CDH6: variants seen among roughly 807,000 people sequenced by gnomAD.
CDH6 encodes cadherin-6.
A neutral mutation model predicts 78.0 loss-of-function variants in CDH6; 31 were observed. The ratio of observed to expected loss-of-function variants is 0.40; its 90% confidence interval spans 0.30 to 0.54. The LOEUF is 0.54. Ranked by LOEUF, CDH6 falls within the 20% of genes least tolerant of loss-of-function variation. CDH6 has a pLI of 0.56. For synonymous variants in CDH6, 376 were observed against 368.8 expected (o/e 1.02, Z -0.23); for missense variants, 724 against 975.9 (o/e 0.74, Z 3.44).
intron 2 of CDH6, among the ~76,000 whole-genome samples, chr5:31,292,467 A>ATT (rs1352103604): frequency 9.2e-5 from 14 of 152,098 alleles, no homozygotes; most frequent in Admixed American, 1.3e-4. Context: ...CTAAGAGTCT[A>ATT]TTTTCAAATG....
chr5:31,218,009 TG>T (rs765523800), intron 1 of CDH6, among the ~76,000 whole-genome samples: 5 of 152,202 alleles, frequency 3.3e-5, no homozygotes, highest in African/African-American at 1.2e-4. Flanking sequence ...AGATGGCATT[TG>T]TTTTTTTATT....
At chr5:31,230,084 G>A (rs965325573) in intron 1 of CDH6, among the ~76,000 whole-genome samples, 4 of 152,214 alleles carry the variant, frequency 2.6e-5, no homozygotes, top group Non-Finnish European at 2.9e-5. Flanking sequence ...GCTCCTTGCA[G>A]AATATCCCAG....
At chr5:31,256,231 C>T (rs1238155619) in intron 1 of CDH6, among the ~76,000 whole-genome samples, 7 of 152,062 alleles carry the variant, frequency 4.6e-5, no homozygotes, top group Admixed American at 2.0e-4. Context: ...AATACAGGAA[C>T]GGTCGGTAAG....
At chr5:31,224,629 T>G (rs1342963605) in intron 1 of CDH6, among the ~76,000 whole-genome samples, 1 of 152,146 alleles carries the variant, frequency 6.6e-6, no homozygotes, top group Non-Finnish European at 1.5e-5. Flanking sequence ...TATGGCTCAC[T>G]GCAGCCGTGA....
chr5:31,199,482 A>G lies in CDH6; in HGVS notation c.-129+5596A>G, dbSNP rs141167442. Among the ~76,000 whole-genome samples, 226 of 130,450 alleles carry G rather than the reference A, an allele frequency of 1.7e-3. 6 individuals are homozygous for G. The South Asian group carries it at 0.035, about 20-fold the overall frequency. The allele number at this position is 130,450 out of a possible 152,430, so 85.6% of individuals were successfully genotyped here. A position where few individuals can be genotyped will look rare whatever the true frequency, so the allele number is the denominator to read the frequency against. On this transcript the variant is annotated intron_variant, in intron 1 of 11. Transcript: ENST00000265071. ...TGTATATATACACACACATATGTGT[A>G]TATATGTACACACACATATGTGTAT...
chr5:31,293,191 T>C (rs917919731), intron 2 of CDH6, among the ~76,000 whole-genome samples: 1 of 152,048 alleles, frequency 6.6e-6, no homozygotes, highest in Non-Finnish European at 1.5e-5. Context: ...TAAGACAGAC[T>C]ATTTCAATTT....
chr5:31,221,715 G>A lies in CDH6; in HGVS notation c.-129+27829G>A, dbSNP rs553387893. Reference sequence around the variant, plus strand: ...CAAGCTAACAAGCTTAGGCACATTCGTCAGTTAATCAATGCAAATGTCATG... The same window carrying A: ...CAAGCTAACAAGCTTAGGCACATTCATCAGTTAATCAATGCAAATGTCATG... On this transcript the variant is annotated intron_variant, in intron 1 of 11. Coordinates refer to ENST00000265071, the MANE Select transcript of CDH6 (RefSeq NM_004932.4). 1.0e-3 allele frequency among the ~76,000 whole-genome samples: 155 copies of A among 152,222 alleles called. 2 individuals carry two copies. The highest frequency in any genetic ancestry group is 3.1e-3 in the African/African-American group (127 of 41,540).
intron 7 of CDH6, 44 bp from the exon 8 acceptor site, chr5:31,313,273 GA>G: frequency 6.5e-7 from 1 of 1,545,024 alleles, no homozygotes; most frequent in Non-Finnish European, 8.9e-7. Flanking sequence ...GTGAGAATAG[GA>G]AATAGAAAGA....
At chr5:31,219,484 G>A (rs1740952585) in intron 1 of CDH6, among the ~76,000 whole-genome samples, 1 of 151,948 alleles carries the variant, frequency 6.6e-6, no homozygotes, top group Non-Finnish European at 1.5e-5. Flanking sequence ...TCCCTTTCCA[G>A]GCTCAACATA....
chr5:31,320,487 G>A (rs570012685), intron 11 of CDH6, among the ~76,000 whole-genome samples: 12 of 152,208 alleles, frequency 7.9e-5, no homozygotes, highest in African/African-American at 2.6e-4. Flanking sequence ...TTAATTCTTG[G>A]AGAGACAGTT....
chr5:31,310,320 A>C (rs1377426167), intron 7 of CDH6, among the ~76,000 whole-genome samples: 1 of 152,206 alleles, frequency 6.6e-6, no homozygotes, highest in East Asian at 1.9e-4. Context: ...CCTAGGGCAC[A>C]CTGATAAAGG....
chr5:31,253,704 A>C (rs1741975019), intron 1 of CDH6, among the ~76,000 whole-genome samples: 1 of 152,140 alleles, frequency 6.6e-6, no homozygotes, highest in Admixed American at 6.5e-5. Context: ...AATCAATAGC[A>C]CTGTATCATA....
intron 11 of CDH6, among the ~76,000 whole-genome samples, chr5:31,321,439 T>C (rs1738476130): frequency 6.6e-6 from 1 of 152,194 alleles, no homozygotes; most frequent in South Asian, 2.1e-4. Flanking sequence ...TGAATTTGAA[T>C]TGCATGTACC....
chr5:31,311,913 G>C (rs1194276276), intron 7 of CDH6, among the ~76,000 whole-genome samples: 1 of 150,466 alleles, frequency 6.6e-6, no homozygotes, highest in African/African-American at 2.4e-5. Flanking sequence ...CTAAAAACTA[G>C]TAATACATTT....
At chr5:31,308,130 A>G (rs1198289696) in intron 7 of CDH6, among the ~76,000 whole-genome samples, 1 of 152,188 alleles carries the variant, frequency 6.6e-6, no homozygotes, top group Admixed American at 6.5e-5. Context: ...TTGAACAACT[A>G]AGTGCTAGAC....
rs147355043 is a variant in CDH6 at position 31,281,359 on chromosome 5, T to TTG, written c.229-12591_229-12590dup. 4.0e-5 allele frequency among the ~76,000 whole-genome samples: 6 copies of TTG among 151,144 alleles called. 1 individual carries two copies. The highest frequency in any genetic ancestry group is 1.2e-4 in the African/African-American group (5 of 41,236). ...GGGGGAGTGTGTGTGGGGGGTGTGT[T>TTG]TGTGTGTGTGTGTCCTTTTTTGGTG... On this transcript the variant is annotated intron_variant, in intron 2 of 11. Transcript: ENST00000265071.
chr5:31,257,101 A>C (rs1200585953), intron 1 of CDH6, among the ~76,000 whole-genome samples: 1 of 152,236 alleles, frequency 6.6e-6, no homozygotes, highest in Non-Finnish European at 1.5e-5. Context: ...ATTTTTATGA[A>C]TATCAGTGTG....
At chr5:31,244,745 AAG>A (rs1447750123) in intron 1 of CDH6, among the ~76,000 whole-genome samples, 1 of 152,150 alleles carries the variant, frequency 6.6e-6, no homozygotes, top group African/African-American at 2.4e-5. Flanking sequence ...CCTGAATAGA[AAG>A]AGTCTTGAAA....
chr5:31,195,847 A>G (rs1335559804), intron 1 of CDH6, among the ~76,000 whole-genome samples: 1 of 152,252 alleles, frequency 6.6e-6, no homozygotes, highest in Admixed American at 6.5e-5. Flanking sequence ...GGTTCATGCC[A>G]TACTTTTGAA....
Sources: gnomAD v4.1 joint callset for allele counts (sites outside exome capture counted in the v4.1 genomes callset) on GRCh38, gnomAD v4.1.1 for gene constraint, MANE v1.5 for transcripts, NCBI Gene and HGNC (gene_info 2026-07-23, HGNC 2026-07-21) for gene names.